Variants in MALRD1 observed in about 807,000 individuals in gnomAD.
The protein encoded by MALRD1 is MAM and LDL-receptor class A domain-containing protein 1.
MALRD1 carries 247 observed loss-of-function variants against 242.1 expected under a neutral mutation model. The observed-to-expected ratio is 1.02, with a 90% CI of 0.92 to 1.13. MALRD1 has a LOEUF of 1.13. Ranked by LOEUF, MALRD1 falls within the 50% of genes most tolerant of loss-of-function variation. The pLI, the probability that MALRD1 is intolerant of heterozygous loss-of-function variation, is 0.00. For missense variants in MALRD1, 2,989 were observed against 2,533.1 expected, an observed-to-expected ratio of 1.18 and a Z score of -3.86; for synonymous variants, 995 against 866.6, an observed-to-expected ratio of 1.15 and a Z score of -2.60.
chr10:19,293,127 A>C (rs1389461473), intron 21 of MALRD1, among the ~76,000 whole-genome samples: 1 of 152,198 alleles, frequency 6.6e-6, no homozygotes, highest in Non-Finnish European at 1.5e-5. Flanking sequence ...AGGCCAGTTT[A>C]GAAGCCATAA....
At chr10:19,688,784 G>T (rs1448890578) in intron 36 of MALRD1, among the ~76,000 whole-genome samples, 1 of 152,194 alleles carries the variant, frequency 6.6e-6, no homozygotes, top group Non-Finnish European at 1.5e-5. Context: ...CCATTAGAAG[G>T]GTTGGAAACT....
rs1396997280 is a variant in MALRD1, at chr10:19,049,137, T to TGTG, written c.199+2_199+3insGGT. 1 of 1,233,754 alleles carries TGTG rather than the reference T, an allele frequency of 8.1e-7. No individual in the cohort carries two copies. Among genetic ancestry groups the TGTG allele is most frequent in the Non-Finnish European group, 1.0e-6 (1 of 988,138 alleles). 76.4% of individuals were successfully genotyped at this position (1,233,754 alleles called of 1,614,324 possible). A position where few individuals can be genotyped will look rare whatever the true frequency, so the allele number is the denominator to read the frequency against. On this transcript the variant is annotated inframe_insertion and splice_region_variant. Coordinates refer to ENST00000454679, the MANE Select transcript of MALRD1 (RefSeq NM_001142308.3). ...TGGGGATAGCAGTGATGAACGGCAC[T>TGTG]GTAAGTGACATTCTCCTTTCTCCAA...
intron 5 of MALRD1, among the ~76,000 whole-genome samples, chr10:19,104,833 A>G (rs181810722): frequency 6.6e-6 from 1 of 152,228 alleles, no homozygotes; most frequent in African/African-American, 2.4e-5. Context: ...GTCTTCATCT[A>G]CTTAAGAAAG....
chr10:19,526,922 G>T (rs1274170681), intron 31 of MALRD1, among the ~76,000 whole-genome samples: 1 of 152,060 alleles, frequency 6.6e-6, no homozygotes, highest in Non-Finnish European at 1.5e-5. Context: ...CATTTACTGG[G>T]GAAAATGTAG....
At chr10:19,721,176 A>G (rs187494117) in intron 38 of MALRD1, among the ~76,000 whole-genome samples, 1 of 152,198 alleles carries the variant, frequency 6.6e-6, no homozygotes, top group Admixed American at 6.5e-5. Flanking sequence ...AAATTGGTAT[A>G]ATTAAAAATG....
At chr10:19,381,999 A>T (rs1296666072) in intron 26 of MALRD1, among the ~76,000 whole-genome samples, 3 of 152,150 alleles carry the variant, frequency 2.0e-5, no homozygotes, top group African/African-American at 7.2e-5. Context: ...CGAAATTTGT[A>T]TGTGTATATA....
chr10:19,288,711 C>T (rs897532961), intron 21 of MALRD1, among the ~76,000 whole-genome samples: 4 of 152,120 alleles, frequency 2.6e-5, no homozygotes, highest in African/African-American at 4.8e-5. Flanking sequence ...TTCCTCCTCT[C>T]ATTCTGATGA....
Position 19,318,625 on chromosome 10 carries a change from C to A in MALRD1, c.3420-5324C>A, listed in dbSNP as rs553306034. Among the ~76,000 whole-genome samples, 20 of 151,718 alleles carry A rather than the reference C, an allele frequency of 1.3e-4. No homozygotes were observed. In the South Asian group the frequency reaches 3.7e-3, roughly 28 times the overall value. ...CATTTCTAGAATTGTGACCTCTAGT[C>A]ACGTAATTTCTCCATGGTCTCCAGA... On this transcript the variant is annotated intron_variant, in intron 21 of 39. Coordinates refer to ENST00000454679, the MANE Select transcript of MALRD1 (RefSeq NM_001142308.3).
chr10:19,308,510 G>A (rs2131982222), intron 21 of MALRD1, among the ~76,000 whole-genome samples: 1 of 151,618 alleles, frequency 6.6e-6, no homozygotes, highest in Admixed American at 6.6e-5. Flanking sequence ...GGCCTAGGGG[G>A]AGTCTTAAGC....
intron 26 of MALRD1, among the ~76,000 whole-genome samples, chr10:19,379,504 G>T (rs1208878522): frequency 6.6e-6 from 1 of 152,014 alleles, no homozygotes; most frequent in Non-Finnish European, 1.5e-5. Context: ...TTTTCATAGG[G>T]TTCAAACTAT....
At chr10:19,420,138 C>T (rs538587991) in intron 28 of MALRD1, among the ~76,000 whole-genome samples, 1 of 152,130 alleles carries the variant, frequency 6.6e-6, no homozygotes, top group Non-Finnish European at 1.5e-5. Context: ...ACACTCGTGG[C>T]CCCTGCTGCT....
At chr10:19,558,724 T>G (rs942149234) in intron 32 of MALRD1, among the ~76,000 whole-genome samples, 1 of 152,164 alleles carries the variant, frequency 6.6e-6, no homozygotes, top group Non-Finnish European at 1.5e-5. Context: ...TCTGGTTTTG[T>G]ATTATGGTTT....
At chr10:19,102,380 A>T (rs1248001914) in intron 4 of MALRD1, among the ~76,000 whole-genome samples, 1 of 152,028 alleles carries the variant, frequency 6.6e-6, no homozygotes, top group Non-Finnish European at 1.5e-5. Flanking sequence ...CGACTTTCTT[A>T]GGACTACCTA....
At chr10:19,620,021 A>T (rs945820073) in intron 36 of MALRD1, among the ~76,000 whole-genome samples, 14 of 106,614 alleles carry the variant, frequency 1.3e-4, no homozygotes, top group Non-Finnish European at 2.0e-4. Flanking sequence ...ATAATAATAA[A>T]TAATAATAAT....
intron 16 of MALRD1, 126 bp from the exon 17 acceptor site, chr10:19,204,772 C>T (rs1162219882): frequency 2.1e-5 from 21 of 1,015,366 alleles, no homozygotes; most frequent in Admixed American, 8.8e-5. Context: ...ACAGTTATTG[C>T]GGGAAAGAAA....
intron 32 of MALRD1, among the ~76,000 whole-genome samples, chr10:19,540,648 A>G (rs778100036): frequency 5.3e-5 from 8 of 152,176 alleles, no homozygotes; most frequent in Non-Finnish European, 7.3e-5. Flanking sequence ...AGATGTTACT[A>G]TATAGACGAG....
chr10:19,562,953 G>T (rs1836062118), intron 32 of MALRD1, among the ~76,000 whole-genome samples: 1 of 152,102 alleles, frequency 6.6e-6, no homozygotes, highest in East Asian at 1.9e-4. Flanking sequence ...CCATGAAAGG[G>T]TCCCTGGTGC....
intron 13 of MALRD1, among the ~76,000 whole-genome samples, chr10:19,171,386 A>G (rs1834915010): frequency 6.8e-6 from 1 of 147,806 alleles, no homozygotes; most frequent in Non-Finnish European, 1.5e-5. Context: ...TGCTGACTGT[A>G]GTTCCGAAAG....
intron 26 of MALRD1, among the ~76,000 whole-genome samples, chr10:19,382,150 A>G (rs1244271359): frequency 4.6e-5 from 7 of 152,186 alleles, no homozygotes; most frequent in African/African-American, 7.2e-5. Context: ...TTTTAATAAT[A>G]TAAGAGTCTC....
Sources: allele counts gnomAD v4.1 joint callset (sites outside exome capture counted in the v4.1 genomes callset), GRCh38; gene constraint gnomAD v4.1.1; transcripts MANE v1.5; gene names NCBI Gene and HGNC (gene_info 2026-07-23, HGNC 2026-07-21).